Variants in CFAP73 observed in about 807,000 individuals in gnomAD.
The protein encoded by CFAP73 is cilia and flagella associated protein 73.
In CFAP73, 33 loss-of-function variants were observed where a neutral mutation model predicts 42.9. The ratio of observed to expected loss-of-function variants is 0.77; its 90% CI spans 0.58 to 1.03. CFAP73 has a LOEUF of 1.03. Among genes scored for constraint, CFAP73 ranks in the 50% least tolerant of loss-of-function variants. CFAP73 has a pLI of 0.00. For synonymous variants in CFAP73, 162 were observed against 186.8 expected (o/e 0.87, Z 1.08); for missense variants, 392 against 411.9 (o/e 0.95, Z 0.42).
chr12:113,152,101 T>G, intron 2 of CFAP73, 78 bp downstream of exon 2: 1 of 1,021,598 alleles, frequency 9.8e-7, no homozygotes, highest in Non-Finnish European at 1.5e-6. Context: ...TGACAAGGTC[T>G]GAGACAAGTC....
At position 113,152,902 on chromosome 12, in the gene CFAP73, CT is replaced by C. The variant is rs1340155317; in HGVS notation, c.267+16del. ...AGTTTTTGCAGGTAGGTGGAGCCTC[CT>C]GGGGGGGAGGCGGGGCCTATGGGTA... is the stretch of plus-strand genomic sequence containing the variant. On this transcript the variant is annotated intron_variant, in intron 3 of 7. Transcript: ENST00000335621. The C allele has an allele frequency of 2.6e-6, 4 of 1,532,326 alleles. No individual in the cohort carries two copies. In the African/African-American group the frequency reaches 4.1e-5, roughly 16 times the overall value. The allele number at this position is 1,532,326 out of a possible 1,614,324, so 94.9% of individuals were successfully genotyped here.
Position 113,157,679 on chromosome 12 carries a change from G to C in CFAP73, c.927G>C (p.Ter309TyrextTer2). The C allele has an allele frequency of 5.2e-6, 8 of 1,551,340 alleles. No homozygotes were observed. The highest frequency in any genetic ancestry group is 7.0e-6 in the Non-Finnish European group (8 of 1,146,890). The change falls in exon 7 of 8, where the codon TAG becomes TAC. Residue 309 changes from the stop codon to tyrosine (Y), a stop_lost. Coordinates refer to ENST00000335621, the MANE Select transcript of CFAP73 (RefSeq NM_001144872.3). ...CTGAGCCTGCAGCCCCTGCCTCCTAGCCCTGACACAGGTGAGCAGCGGGAG... is the reference window on the plus strand; with the variant it reads ...CTGAGCCTGCAGCCCCTGCCTCCTACCCCTGACACAGGTGAGCAGCGGGAG... ...GQAEPAAPAS[*>Y]
At chr12:113,156,204 G>C (rs1952123659) in intron 6 of CFAP73, among the ~76,000 whole-genome samples, 1 of 152,062 alleles carries the variant, frequency 6.6e-6, no homozygotes, top group South Asian at 2.1e-4. Context: ...ACAAGTGTGA[G>C]CCACCACACC....
At position 113,154,871 on chromosome 12, in the gene CFAP73, GAGGTGGATGGGAAGAAT is replaced by G. The variant is rs1373289189; in HGVS notation, c.690+237_690+253del. Reference sequence around the variant, plus strand: ...AGAGCACCTGACTGCCTGACTGGCAGAGGTGGATGGGAAGAATGCCGGGCGCGGTGGCTCATGCCTGT... The same window carrying G: ...AGAGCACCTGACTGCCTGACTGGCAGGCCGGGCGCGGTGGCTCATGCCTGT... On this transcript the variant is annotated intron_variant, in intron 5 of 7. Coordinates refer to ENST00000335621, the MANE Select transcript of CFAP73 (RefSeq NM_001144872.3). The surrounding 1 kb of genome is among the most constrained non-coding windows in gnomAD (Gnocchi z 4.7). 2.0e-5 allele frequency among the ~76,000 whole-genome samples: 3 copies of G among 152,164 alleles called. No homozygotes were observed. Among genetic ancestry groups the G allele is most frequent in the Non-Finnish European group, 4.4e-5 (3 of 68,024 alleles).
intron 6 of CFAP73, 116 bp from the exon 7 acceptor site, chr12:113,157,486 T>A: frequency 3.8e-6 from 3 of 782,616 alleles, no homozygotes; most frequent in Non-Finnish European, 6.3e-6. Flanking sequence ...CACTGTTCTT[T>A]TAATGAGGGG....
At chr12:113,153,124 G>C in intron 3 of CFAP73, 84 bp from the exon 4 acceptor site, 1 of 1,369,094 alleles carries the variant, frequency 7.3e-7, no homozygotes. Context: ...TTTTGCGAGC[G>C]AATGTCAGGG....
Position 113,157,640 on chromosome 12 carries a change from C to T in CFAP73, c.888C>T (p.Ala296=), listed in dbSNP as rs921853546. 1.8e-5 allele frequency: 28 copies of T among 1,551,538 alleles called. No homozygotes were observed. Among genetic ancestry groups the T allele is most frequent in the Middle Eastern group, 3.3e-4 (2 of 6,014 alleles). The stretch of plus-strand genomic sequence containing the variant: ...TGCAGGACCTCTCTGCCATGCTGGC[C>T]GGCCTGGGTCAGGCTGAGCCTGCAG... ...LFMQDLSAML[A]GLGQAEPAAP... is the part of the protein sequence containing the mutation. The change falls in exon 7 of 8, where the codon GCC becomes GCT. Residue 296 remains alanine, a synonymous_variant. Coordinates refer to ENST00000335621, the MANE Select transcript of CFAP73 (RefSeq NM_001144872.3).
intron 3 of CFAP73, 72 bp from the exon 4 acceptor site, chr12:113,153,136 A>C: frequency 7.2e-7 from 1 of 1,393,998 alleles, no homozygotes. Context: ...ATGTCAGGGC[A>C]GGATGGAGGT....
Position 113,149,895 on chromosome 12 carries a change from TGCAAGAGAAACTGTCTAC to T in CFAP73, c.40_56+1del. 6.4e-7 allele frequency: 1 copy of T among 1,551,576 alleles called. No individual in the cohort carries two copies. Among genetic ancestry groups the T allele is most frequent in the Non-Finnish European group, 8.7e-7 (1 of 1,146,928 alleles). ...TGGGAGGAATATTTCCGACTGGCTT[TGCAAGAGAAACTGTCTAC>T]GTGAGTGGGACGTAGAGGGAGGGAG... On this transcript the variant is annotated inframe_deletion and splice_region_variant, in exon 1 of 8. Transcript: ENST00000335621.
Position 113,155,421 on chromosome 12 carries a change from G to A in CFAP73, c.849+3G>A. 1 of 1,542,198 alleles carries A rather than the reference G, an allele frequency of 6.5e-7. No homozygotes were observed. The highest frequency in any genetic ancestry group is 1.7e-4 in the Middle Eastern group (1 of 5,958). On this transcript the variant is annotated splice_donor_region_variant and intron_variant, in intron 6 of 7. Transcript: ENST00000335621. ...ACACGGAGGGACAGCTAGAGCACGTGAGGACCCCTCTTTATGGCACCTCCA... is the reference window on the plus strand; with the variant it reads ...ACACGGAGGGACAGCTAGAGCACGTAAGGACCCCTCTTTATGGCACCTCCA...
intron 6 of CFAP73, 95 bp downstream of exon 6, chr12:113,155,513 G>T: frequency 1.5e-6 from 2 of 1,319,684 alleles, no homozygotes; most frequent in South Asian, 1.5e-5. Context: ...CCTTCTCTGG[G>T]TTAAGCATGG....
Position 113,154,187 on chromosome 12 carries a change from A to T in CFAP73, c.469-227A>T, listed in dbSNP as rs1164505585. On this transcript the variant is annotated intron_variant, in intron 4 of 7. Transcript: ENST00000335621. The surrounding 1 kb of genome is among the most constrained non-coding windows in gnomAD (Gnocchi z 4.7). ...CCAGCTACTTTGGAGCGGAGATGGG[A>T]GGATCGCTTGAGCCCAGGAGTTCAA... 6.6e-6 allele frequency among the ~76,000 whole-genome samples: 1 copy of T among 151,990 alleles called. No homozygotes were observed. The highest frequency in any genetic ancestry group is 2.4e-5 in the African/African-American group (1 of 41,410).
Position 113,149,799 on chromosome 12 carries a change from T to C in CFAP73, c.-59T>C, listed in dbSNP as rs1490982059. 1 of 1,524,434 alleles carries C rather than the reference T, an allele frequency of 6.6e-7. No individual in the cohort carries two copies. Among genetic ancestry groups the C allele is most frequent in the East Asian group, 2.5e-5 (1 of 40,762 alleles). 94.4% of individuals were successfully genotyped at this position (1,524,434 alleles called of 1,614,324 possible). A position where few individuals can be genotyped will look rare whatever the true frequency, so the allele number is the denominator to read the frequency against. ...CACGCTCCACAGAACCCCCAGGGTCTCCTAAGCTTGTGCAAAACTCCAGCT... is the reference window on the plus strand; with the variant it reads ...CACGCTCCACAGAACCCCCAGGGTCCCCTAAGCTTGTGCAAAACTCCAGCT... On this transcript the variant is annotated 5_prime_UTR_variant, in exon 1 of 8. Coordinates refer to ENST00000335621, the MANE Select transcript of CFAP73 (RefSeq NM_001144872.3).
intron 2 of CFAP73, among the ~76,000 whole-genome samples, chr12:113,152,286 A>G (rs1309886124): frequency 2.0e-5 from 3 of 152,222 alleles, no homozygotes; most frequent in African/African-American, 4.8e-5. Context: ...AGGAAAACAG[A>G]TAAGTGTTCA....
chr12:113,153,821 G>T (rs1026248805), intron 4 of CFAP73, among the ~76,000 whole-genome samples: 1 of 151,870 alleles, frequency 6.6e-6, no homozygotes, highest in Non-Finnish European at 1.5e-5. Context: ...GGCTGGTTTC[G>T]AACTCCTGGG....
intron 6 of CFAP73, 96 bp downstream of exon 6, chr12:113,155,514 T>C (rs1952113239): frequency 1.5e-6 from 2 of 1,313,440 alleles, no homozygotes; most frequent in African/African-American, 1.5e-5. Context: ...CTTCTCTGGG[T>C]TAAGCATGGC....
chr12:113,154,457 C>CCGGG lies in CFAP73; in HGVS notation c.514_515insGGCG (p.Glu172GlyfsTer132). 6.5e-7 allele frequency: 1 copy of CCGGG among 1,546,622 alleles called. No homozygotes were observed. Among genetic ancestry groups the CCGGG allele is most frequent in the Non-Finnish European group, 8.7e-7 (1 of 1,145,662 alleles). Reference sequence around the variant, plus strand: ...CTGGTGGCGCGCTTCGACGGCCTGGCCGAGACGCAGGCGGCGCTGAGGCTC... The same window carrying CCGGG: ...CTGGTGGCGCGCTTCGACGGCCTGGCCGGGCGAGACGCAGGCGGCGCTGAGGCTC... On this transcript the variant is annotated frameshift_variant, in exon 5 of 8. Transcript: ENST00000335621. LOFTEE classifies it high-confidence loss of function. This position sits in a 1 kb window ranked among gnomAD's most constrained non-coding sequence, Gnocchi z 4.7.
intron 7 of CFAP73, chr12:113,157,951 G>A: frequency 2.0e-6 from 1 of 504,692 alleles, no homozygotes; most frequent in South Asian, 2.9e-5. Context: ...ATCAGACCAG[G>A]CCCTCCCTGC....
In CFAP73 at chr12:113,153,402, G is replaced by T. The variant is rs1427699410; in HGVS notation, c.462G>T (p.Leu154=). The part of the protein sequence containing the change: ...ARLLEQALEL[L]PGFQEVPELV... Reference sequence around the variant, plus strand: ...TGCTGGAGCAAGCGCTGGAGCTGCTGCCCGGGGTGAGTCCGGGGCAGGAGG... The same window carrying T: ...TGCTGGAGCAAGCGCTGGAGCTGCTTCCCGGGGTGAGTCCGGGGCAGGAGG... The change falls in exon 4 of 8, where the codon CTG becomes CTT. Residue 154 remains leucine, a synonymous_variant. Transcript: ENST00000335621. The T allele has an allele frequency of 7.0e-7, 1 of 1,436,890 alleles. No individual in the cohort carries two copies. The highest frequency in any genetic ancestry group is 1.4e-5 in the South Asian group (1 of 70,244). The allele number at this position is 1,436,890 out of a possible 1,614,324, so 89.0% of individuals were successfully genotyped here. A position where few individuals can be genotyped will look rare whatever the true frequency, so the allele number is the denominator to read the frequency against.
Sources: allele counts gnomAD v4.1 joint callset (sites outside exome capture counted in the v4.1 genomes callset), GRCh38; gene constraint gnomAD v4.1.1; non-coding constraint Gnocchi (gnomAD v3.1); transcripts MANE v1.5; gene names NCBI Gene and HGNC (gene_info 2026-07-23, HGNC 2026-07-21).